The following WDR1 variants were observed in gnomAD, a reference collection of about 807,000 sequenced individuals.
WDR1 encodes the protein WD repeat-containing protein 1.
WDR1 carries 21 observed loss-of-function variants against 71.9 expected under a neutral mutation model. The observed-to-expected ratio is 0.29, with a 90% CI of 0.21 to 0.42. WDR1 has a LOEUF of 0.42. Among genes scored for constraint, WDR1 ranks in the 10% least tolerant of loss-of-function variants. WDR1 has a pLI of 1.00. For missense variants in WDR1, 696 were observed against 824.5 expected, an observed-to-expected ratio of 0.84 and a Z score of 1.91; for synonymous variants, 424 against 347.4, an observed-to-expected ratio of 1.22 and a Z score of -2.45.
chr4:10,110,805 T>C (rs1465537804), intron 2 of WDR1, among the ~76,000 whole-genome samples: 2 of 152,224 alleles, frequency 1.3e-5, no homozygotes, highest in East Asian at 1.9e-4. Flanking sequence ...CCATGTACCT[T>C]GTCGGATGTT....
At chr4:10,077,474 G>A (rs775579977) in intron 13 of WDR1, 26 bp from the exon 14 acceptor site, 48 of 1,613,728 alleles carry the variant, frequency 3.0e-5, no homozygotes, top group South Asian at 8.8e-5. Context: ...AAACAAGAGA[G>A]GTGGCAGGTC....
At chr4:10,104,090 A>G in intron 2 of WDR1, 104 bp from the exon 3 acceptor site, 1 of 1,213,822 alleles carries the variant, frequency 8.2e-7, no homozygotes, top group South Asian at 1.3e-5. Context: ...ACAAAGAAAC[A>G]CTGAAGCTAA....
chr4:10,082,935 C>A, intron 10 of WDR1, 87 bp downstream of exon 10: 1 of 1,508,324 alleles, frequency 6.6e-7, no homozygotes, highest in East Asian at 2.3e-5. Flanking sequence ...GTGAGGCGTC[C>A]TCCAGAACAG....
chr4:10,112,722 C>T (rs1021144147), intron 2 of WDR1, among the ~76,000 whole-genome samples: 3 of 152,232 alleles, frequency 2.0e-5, no homozygotes, highest in African/African-American at 7.2e-5. Flanking sequence ...TGTTCTCATG[C>T]AGTAAGACCT....
chr4:10,095,781 GT>G (rs1307631393), intron 5 of WDR1, among the ~76,000 whole-genome samples: 2 of 152,216 alleles, frequency 1.3e-5, no homozygotes, highest in African/African-American at 4.8e-5. Context: ...AAGGGTCACT[GT>G]CACCCTGTTT....
intron 9 of WDR1, chr4:10,083,648 C>T (rs1359822488): frequency 2.1e-6 from 1 of 480,556 alleles, no homozygotes. Context: ...TCCAACACAG[C>T]ACGGTGCTCA....
At chr4:10,109,010 G>A (rs530155202) in intron 2 of WDR1, among the ~76,000 whole-genome samples, 1 of 152,364 alleles carries the variant, frequency 6.6e-6, no homozygotes, top group Non-Finnish European at 1.5e-5. Context: ...ACAAAGACCA[G>A]AACTTGGCTG....
At chr4:10,102,739 C>A (rs1024000919) in intron 3 of WDR1, among the ~76,000 whole-genome samples, 6 of 152,176 alleles carry the variant, frequency 3.9e-5, no homozygotes, top group African/African-American at 1.4e-4. Context: ...GGCTGCTGTG[C>A]ACACGCAGGA....
At chr4:10,082,926 T>A (rs1042664112) in intron 10 of WDR1, 96 bp downstream of exon 10, 1 of 1,453,418 alleles carries the variant, frequency 6.9e-7, no homozygotes, top group East Asian at 2.3e-5. Context: ...AAGGAGCAAG[T>A]GAGGCGTCCT....
intron 11 of WDR1, among the ~76,000 whole-genome samples, chr4:10,080,346 CAG>C (rs909943221): frequency 7.2e-6 from 1 of 139,774 alleles, no homozygotes; most frequent in Non-Finnish European, 1.6e-5. Flanking sequence ...CCCTGCTGTG[CAG>C]AGATAGGCCA....
intron 3 of WDR1, among the ~76,000 whole-genome samples, chr4:10,101,140 C>A (rs1401113743): frequency 1.3e-5 from 2 of 152,266 alleles, no homozygotes; most frequent in East Asian, 3.9e-4. Flanking sequence ...AGAACAGTAT[C>A]ATGAAAATAA....
At chr4:10,089,201 C>T (rs1711802090) in intron 5 of WDR1, among the ~76,000 whole-genome samples, 2 of 152,158 alleles carry the variant, frequency 1.3e-5, no homozygotes, top group African/African-American at 4.8e-5. Flanking sequence ...CTCCGCCTCC[C>T]GGGTTCACGC....
intron 11 of WDR1, among the ~76,000 whole-genome samples, chr4:10,079,900 G>A (rs1764948513): frequency 6.6e-6 from 1 of 152,220 alleles, no homozygotes; most frequent in Non-Finnish European, 1.5e-5. Flanking sequence ...GCATTTGCCT[G>A]AAGCTTCGTC....
In WDR1 at chr4:10,075,323, T is replaced by A; in HGVS notation, c.*55A>T. ...GAAATAGAGAAATGACATGTTCCGC[T>A]GCAGTTAAACTCTAGTCCCTGATTC... is the stretch of plus-strand genomic sequence containing the variant. On this transcript the variant is annotated 3_prime_UTR_variant, in exon 15 of 15. Transcript: ENST00000499869. 1 of 1,506,986 alleles carries A rather than the reference T, an allele frequency of 6.6e-7. No homozygotes were observed. Among genetic ancestry groups the A allele is most frequent in the Non-Finnish European group, 9.2e-7 (1 of 1,085,006 alleles). 93.4% of individuals were successfully genotyped at this position (1,506,986 alleles called of 1,614,324 possible).
At chr4:10,115,157 G>A (rs906090819) in intron 2 of WDR1, among the ~76,000 whole-genome samples, 1 of 152,202 alleles carries the variant, frequency 6.6e-6, no homozygotes, top group African/African-American at 2.4e-5. Flanking sequence ...ACTAAGCACA[G>A]CACAGGAGAA....
intron 2 of WDR1, among the ~76,000 whole-genome samples, chr4:10,115,254 C>A (rs1024786273): frequency 3.4e-4 from 51 of 152,188 alleles, no homozygotes; most frequent in African/African-American, 1.2e-3. Flanking sequence ...AAAATTTAAG[C>A]GTGTAACCCA....
In WDR1 at chr4:10,116,692, G is replaced by A; in HGVS notation, c.-26C>T. The A allele has an allele frequency of 7.4e-7, 1 of 1,348,994 alleles. No individual in the cohort carries two copies. Among genetic ancestry groups the A allele is most frequent in the Non-Finnish European group, 9.6e-7 (1 of 1,043,048 alleles). 83.6% of individuals were successfully genotyped at this position (1,348,994 alleles called of 1,614,324 possible). A position where few individuals can be genotyped will look rare whatever the true frequency, so the allele number is the denominator to read the frequency against. ...CCTCGCCCACTTGTTACCGCGCCGC[G>A]CTCGCCGAGAGCCTCCGGGGCCGGC... On this transcript the variant is annotated 5_prime_UTR_variant, in exon 1 of 15. Transcript: ENST00000499869.
chr4:10,085,136 G>A (rs1765163171), intron 8 of WDR1, among the ~76,000 whole-genome samples: 1 of 152,246 alleles, frequency 6.6e-6, no homozygotes, highest in Admixed American at 6.5e-5. Flanking sequence ...TGCTTCCAGA[G>A]GGCGGCGTTT....
At chr4:10,079,566 G>C (rs1764936510) in intron 11 of WDR1, among the ~76,000 whole-genome samples, 1 of 152,222 alleles carries the variant, frequency 6.6e-6, no homozygotes. Flanking sequence ...ATGCAGCAGA[G>C]GCTCTGCAGC....
Sources: allele counts gnomAD v4.1 joint callset (sites outside exome capture counted in the v4.1 genomes callset), GRCh38; gene constraint gnomAD v4.1.1; transcripts MANE v1.5; gene names NCBI Gene and HGNC (gene_info 2026-07-23, HGNC 2026-07-21).